ATP2B1: variants seen among roughly 807,000 people sequenced by gnomAD.
The protein encoded by ATP2B1 is plasma membrane calcium-transporting ATPase 1.
Under a neutral mutation model 124.2 loss-of-function variants are expected in ATP2B1, and 14 were observed. The ratio of observed to expected loss-of-function variants is 0.11; its 90% CI spans 0.07 to 0.18. The LOEUF (loss-of-function observed/expected upper bound fraction) is 0.18. Among genes scored for constraint, ATP2B1 ranks in the 10% least tolerant of loss-of-function variants. The pLI, the probability that ATP2B1 is intolerant of heterozygous loss-of-function variation, is 1.00. For missense variants in ATP2B1, 763 were observed against 1,466.1 expected (o/e 0.52, Z 7.83); for synonymous variants, 449 against 492.4 (o/e 0.91, Z 1.17).
In ATP2B1 at chr12:89,617,000, T is replaced by A. The variant is rs1423124579; in HGVS notation, c.1869A>T (p.Val623=). ...TATCATCACGGTCCCTTGGTCTGAA[T>A]ACTTTTGCCTCACCATTAGCACTCA... ...KILSANGEAK[V]FRPRDRDDIV... Residue 623 remains valine, a synonymous_variant, in exon 12 of 21, where the codon GTA becomes GTT. Transcript: ENST00000428670. The A allele has an allele frequency of 6.2e-7, 1 of 1,613,960 alleles. No homozygotes were observed. The highest frequency in any genetic ancestry group is 8.5e-7 in the Non-Finnish European group (1 of 1,179,966).
chr12:89,633,084 C>T (rs1048872459), intron 5 of ATP2B1, among the ~76,000 whole-genome samples: 1 of 152,106 alleles, frequency 6.6e-6, no homozygotes, highest in Admixed American at 6.6e-5. Context: ...GATTAGATAG[C>T]TTCCCTCTCC....
chr12:89,653,476 T>G lies in ATP2B1; in HGVS notation c.208+2203A>C, dbSNP rs542680819. ...CGCGCCCGGCTAATTTTTTTGTATT[T>G]TTAGTAGAGACGGGGTTTCACCTTG... On this transcript the variant is annotated intron_variant, in intron 2 of 20. Coordinates refer to ENST00000428670, the MANE Select transcript of ATP2B1 (RefSeq NM_001366521.1). Among the ~76,000 whole-genome samples the G allele has an allele frequency of 2.7e-3, 408 of 150,858 alleles. 3 individuals carry two copies. The highest frequency in any genetic ancestry group is 9.5e-3 in the South Asian group (45 of 4,744).
intron 1 of ATP2B1, among the ~76,000 whole-genome samples, chr12:89,677,224 A>G (rs974725214): frequency 1.3e-5 from 2 of 152,248 alleles, no homozygotes; most frequent in South Asian, 4.1e-4. Context: ...TGTATTTTAC[A>G]TGGATCTAGG....
At position 89,635,095 on chromosome 12, in the gene ATP2B1, A is replaced by G; in HGVS notation, c.563T>C (p.Ile188Thr). 2 of 1,613,982 alleles carry G rather than the reference A, an allele frequency of 1.2e-6. No individual in the cohort carries two copies. The highest frequency in any genetic ancestry group is 1.7e-6 in the Non-Finnish European group (2 of 1,179,928). Residue 188 changes from isoleucine (I) to threonine (T), a missense_variant, in exon 4 of 21, where the codon ATT becomes ACT. By Grantham distance (89) the Ile-to-Thr change is moderately conservative (BLOSUM62 -1). Transcript: ENST00000428670. ...EKQFRGLQSRIEQEQKFTVIR... is the reference protein window; with the variant it reads ...EKQFRGLQSRTEQEQKFTVIR... ...GACAGTGAACTTCTGTTCTTGTTCAATTCGGCTCTGCAAACCTCTAAACTG... is the reference window on the plus strand; with the variant it reads ...GACAGTGAACTTCTGTTCTTGTTCAGTTCGGCTCTGCAAACCTCTAAACTG...
At chr12:89,633,817 C>T (rs1882277094) in intron 5 of ATP2B1, among the ~76,000 whole-genome samples, 1 of 152,034 alleles carries the variant, frequency 6.6e-6, no homozygotes, top group Non-Finnish European at 1.5e-5. Flanking sequence ...CAGAAGACTA[C>T]ATGTAGAAGG....
At chr12:89,592,843 G>A (rs1267192135) in intron 20 of ATP2B1, among the ~76,000 whole-genome samples, 1 of 151,988 alleles carries the variant, frequency 6.6e-6, no homozygotes, top group Non-Finnish European at 1.5e-5. Flanking sequence ...ATTAGTTGGG[G>A]ATCTTGTTAA....
intron 1 of ATP2B1, among the ~76,000 whole-genome samples, chr12:89,690,855 A>T (rs980013549): frequency 2.0e-5 from 3 of 152,080 alleles, no homozygotes; most frequent in African/African-American, 7.2e-5. Context: ...CCCACAACCT[A>T]AGGAGAACTG....
intron 15 of ATP2B1, 48 bp from the exon 16 acceptor site, chr12:89,604,394 TTTCAAATAG>T: frequency 7.0e-7 from 1 of 1,430,548 alleles, no homozygotes; most frequent in Non-Finnish European, 9.5e-7. Context: ...TAAGTATAAC[TTTCAAATAG>T]TCAAAAAATA....
chr12:89,678,111 T>C (rs927035174), intron 1 of ATP2B1, among the ~76,000 whole-genome samples: 1 of 151,134 alleles, frequency 6.6e-6, no homozygotes, highest in African/African-American at 2.4e-5. Flanking sequence ...CAAAAGATTT[T>C]TACACACTGA....
At chr12:89,671,447 C>T (rs1166727959) in intron 1 of ATP2B1, among the ~76,000 whole-genome samples, 4 of 152,060 alleles carry the variant, frequency 2.6e-5, no homozygotes, top group African/African-American at 9.7e-5. Context: ...GACTACTTAC[C>T]AGAGTTAAGA....
chr12:89,601,267 A>G (rs1455172512), intron 19 of ATP2B1, 59 bp downstream of exon 19: 7 of 1,165,710 alleles, frequency 6.0e-6, no homozygotes, highest in Non-Finnish European at 7.4e-6. Context: ...GAAAATACAC[A>G]CTAGAAATTA....
intron 2 of ATP2B1, among the ~76,000 whole-genome samples, chr12:89,647,477 G>T (rs1328247423): frequency 1.3e-5 from 2 of 152,096 alleles, no homozygotes; most frequent in Non-Finnish European, 2.9e-5. Context: ...CATCCCAATT[G>T]CAGGCACTAA....
chr12:89,593,013 G>T (rs537182725), intron 20 of ATP2B1, among the ~76,000 whole-genome samples: 1 of 152,070 alleles, frequency 6.6e-6, no homozygotes, highest in East Asian at 1.9e-4. Flanking sequence ...CATTCTATTT[G>T]ATTGCTTGTA....
chr12:89,616,710 A>C (rs1173478493), intron 12 of ATP2B1, 92 bp downstream of exon 12: 1 of 1,267,842 alleles, frequency 7.9e-7, no homozygotes, highest in Non-Finnish European at 1.1e-6. Context: ...CACAAACACC[A>C]AGAATTTTAC....
At chr12:89,622,610 A>C (rs978648744) in intron 9 of ATP2B1, among the ~76,000 whole-genome samples, 1 of 152,122 alleles carries the variant, frequency 6.6e-6, no homozygotes, top group Non-Finnish European at 1.5e-5. Flanking sequence ...AGATACTGCA[A>C]AAAAACTGGT....
intron 2 of ATP2B1, among the ~76,000 whole-genome samples, chr12:89,654,596 C>A (rs1385376791): frequency 2.6e-5 from 4 of 152,046 alleles, no homozygotes; most frequent in Non-Finnish European, 5.9e-5. Context: ...AAGTAACTAC[C>A]TATCATTAAA....
Position 89,682,540 on chromosome 12 carries a change from C to G in ATP2B1, c.-222+26056G>C, listed in dbSNP as rs552276982. ...TGGACTGAAATAGAAAGTCCAGAAA[C>G]AGATCTAACTACATACAGAAATAAA... On this transcript the variant is annotated intron_variant, in intron 1 of 20. Transcript: ENST00000428670. Among the ~76,000 whole-genome samples the G allele has an allele frequency of 3.9e-5, 6 of 152,202 alleles. No individual in the cohort carries two copies. In the East Asian group the frequency reaches 1.2e-3, roughly 29 times the overall value.
At position 89,705,951 on chromosome 12, in the gene ATP2B1, A is replaced by G. The variant is rs537694754; in HGVS notation, c.-222+2645T>C. 3.2e-4 allele frequency among the ~76,000 whole-genome samples: 49 copies of G among 152,346 alleles called. No individual in the cohort carries two copies. The South Asian group carries it at 9.5e-3, about 30-fold the overall frequency. ...TATTTTGCGGTTTGTAAGTAAGACT[A>G]TATGTAATAATATCCACATCTTAAT... is the stretch of plus-strand genomic sequence containing the variant. On this transcript the variant is annotated intron_variant, in intron 1 of 20. Coordinates refer to ENST00000428670, the MANE Select transcript of ATP2B1 (RefSeq NM_001366521.1).
intron 1 of ATP2B1, among the ~76,000 whole-genome samples, chr12:89,680,740 T>C (rs1245886722): frequency 6.6e-6 from 1 of 152,046 alleles, no homozygotes; most frequent in Admixed American, 6.6e-5. Context: ...AAGGGTCCAC[T>C]GTATATCCGG....
Sources: gnomAD v4.1 joint callset for allele counts (sites outside exome capture counted in the v4.1 genomes callset) on GRCh38, gnomAD v4.1.1 for gene constraint, MANE v1.5 for transcripts, NCBI Gene and HGNC (gene_info 2026-07-23, HGNC 2026-07-21) for gene names.